ZMYM4: variants seen among roughly 807,000 people sequenced by gnomAD.
ZMYM4 encodes the protein zinc finger MYM-type protein 4.
A neutral mutation model predicts 183.2 loss-of-function variants in ZMYM4; 31 were observed. The observed-to-expected ratio is 0.17, with a 90% CI of 0.13 to 0.23. ZMYM4 has a LOEUF of 0.23. Ranked by LOEUF, ZMYM4 falls within the 10% of genes least tolerant of loss-of-function variation. The pLI is 1.00. For missense variants in ZMYM4, 1,273 were observed against 1,840.3 expected (o/e 0.69, Z 5.64); for synonymous variants, 592 against 631.2 (o/e 0.94, Z 0.93).
At chr1:35,299,777 ATTCT>A (rs539228747) in intron 1 of ZMYM4, among the ~76,000 whole-genome samples, 18 of 151,766 alleles carry the variant, frequency 1.2e-4, no homozygotes, top group East Asian at 5.8e-4. Flanking sequence ...ACCAACAGAG[ATTCT>A]TTCTTTCTTT....
In ZMYM4 at chr1:35,286,780, T is replaced by A. The variant is rs1329843534; in HGVS notation, c.39+17695T>A. ...GCCTGGCTATTTAAATAATTTTTTT[T>A]TTTTTTTTTTTTTTTTTTTTTTTTT... On this transcript the variant is annotated intron_variant, in intron 1 of 29. Transcript: ENST00000314607. Among the ~76,000 whole-genome samples the A allele has an allele frequency of 6.4e-3, 467 of 72,558 alleles. 5 individuals are homozygous for A. The highest frequency in any genetic ancestry group is 0.033 in the African/African-American group (340 of 10,344). 47.6% of individuals were successfully genotyped at this position (72,558 alleles called of 152,430 possible). A position where few individuals can be genotyped will look rare whatever the true frequency, so the allele number is the denominator to read the frequency against.
At chr1:35,409,461 T>A (rs887918687) in intron 26 of ZMYM4, among the ~76,000 whole-genome samples, 95 of 152,168 alleles carry the variant, frequency 6.2e-4, no homozygotes, top group South Asian at 1.0e-3. Flanking sequence ...TTTTTTTTTT[T>A]AAACAACCAT....
intron 1 of ZMYM4, among the ~76,000 whole-genome samples, chr1:35,310,728 A>G (rs1641755600): frequency 1.3e-5 from 2 of 151,952 alleles, no homozygotes; most frequent in Non-Finnish European, 2.9e-5. Context: ...ACAGGCATGC[A>G]CCATCACACG....
rs1479761773 is a variant in ZMYM4 at position 35,394,358 on chromosome 1, T to C, written c.2911+619T>C. Among the ~76,000 whole-genome samples, 20 of 151,798 alleles carry C rather than the reference T, an allele frequency of 1.3e-4. No homozygotes were observed. The South Asian group carries it at 3.1e-3, about 24-fold the overall frequency. On this transcript the variant is annotated intron_variant, in intron 18 of 29. Transcript: ENST00000314607. The stretch of plus-strand genomic sequence containing the variant: ...GGATCCCAGTGTTCTTGGCCTGCTT[T>C]TCCTAGGGTAGAGCCTCCATCCAGT...
At position 35,387,181 on chromosome 1, in the gene ZMYM4, A is replaced by G. The variant is rs1190099191; in HGVS notation, c.2015A>G (p.Gln672Arg). The G allele has an allele frequency of 5.0e-6, 8 of 1,614,162 alleles. No homozygotes were observed. The highest frequency in any genetic ancestry group is 1.3e-5 in the African/African-American group (1 of 74,954). The change falls in exon 12 of 30, where the codon CAG (glutamine) becomes CGG (arginine). Residue 672 changes from glutamine (Q) to arginine (R), a missense_variant. Gln to Arg is a conservative substitution (Grantham distance 43, BLOSUM62 1). Around this residue, in one of 6 missense-constraint regions of ZMYM4, gnomAD observed 319 missense variants for 518.1 expected, o/e 0.62. Coordinates refer to ENST00000314607, the MANE Select transcript of ZMYM4 (RefSeq NM_005095.3). ...AAAGLQRLAA[Q>R]SQHVGFARSV... ...GCTGGTCTCCAGCGTCTCGCTGCCC[A>G]GTCCCAGCATGTTGGGTTTGCACGA...
In ZMYM4 at chr1:35,289,032, A is replaced by G. The variant is rs115047887; in HGVS notation, c.39+19947A>G. Among the ~76,000 whole-genome samples, 359 of 152,340 alleles carry G rather than the reference A, an allele frequency of 2.4e-3. 1 individual carries two copies. Among genetic ancestry groups the G allele is most frequent in the African/African-American group, 8.5e-3 (352 of 41,582 alleles). ...AGTGCTGGACAAAGAATAATAAGGA[A>G]GTTAAGCTTTGTGCTAGTGGTGGGG... is the stretch of plus-strand genomic sequence containing the variant. On this transcript the variant is annotated intron_variant, in intron 1 of 29. Coordinates refer to ENST00000314607, the MANE Select transcript of ZMYM4 (RefSeq NM_005095.3).
At chr1:35,375,950 C>T (rs1407856223) in intron 7 of ZMYM4, among the ~76,000 whole-genome samples, 1 of 151,996 alleles carries the variant, frequency 6.6e-6, no homozygotes, top group Non-Finnish European at 1.5e-5. Context: ...GTGCCACATG[C>T]CTGTAATCCC....
At chr1:35,269,175 G>A (rs1639464222) in intron 1 of ZMYM4, 90 bp downstream of exon 1, 3 of 1,479,304 alleles carry the variant, frequency 2.0e-6, no homozygotes, top group Admixed American at 2.1e-5. Flanking sequence ...TGGAGGGGTC[G>A]CCGAGGCCCA....
intron 2 of ZMYM4, among the ~76,000 whole-genome samples, chr1:35,337,758 G>C (rs764507931): frequency 2.6e-5 from 4 of 151,934 alleles, no homozygotes; most frequent in Non-Finnish European, 1.5e-5. Context: ...GGCTAACATG[G>C]CGAAACCCCA....
At chr1:35,293,018 T>TG (rs1640835983) in intron 1 of ZMYM4, among the ~76,000 whole-genome samples, 2 of 151,512 alleles carry the variant, frequency 1.3e-5, no homozygotes, top group African/African-American at 2.4e-5. Flanking sequence ...TTTTTTTTTT[T>TG]GAGACAGGTT....
Position 35,419,987 on chromosome 1 carries a change from G to A in ZMYM4, c.*310G>A. 1 of 358,562 alleles carries A rather than the reference G, an allele frequency of 2.8e-6. No individual in the cohort carries two copies. The highest frequency in any genetic ancestry group is 5.4e-6 in the Non-Finnish European group (1 of 185,688). 22.2% of individuals were successfully genotyped at this position (358,562 alleles called of 1,614,324 possible). ...TCGTGGAATATTTTTAAGGAAAACT[G>A]TTGTATAAAACTTTACCATAGTAAC... On this transcript the variant is annotated 3_prime_UTR_variant, in exon 30 of 30. Coordinates refer to ENST00000314607, the MANE Select transcript of ZMYM4 (RefSeq NM_005095.3).
chr1:35,283,458 C>T (rs1171127762), intron 1 of ZMYM4, among the ~76,000 whole-genome samples: 1 of 150,874 alleles, frequency 6.6e-6, no homozygotes, highest in East Asian at 1.9e-4. Flanking sequence ...CTGCCTCAGC[C>T]TCCCGAATAC....
intron 17 of ZMYM4, 107 bp downstream of exon 17, chr1:35,392,791 A>G (rs1644734761): frequency 1.4e-6 from 1 of 737,200 alleles, no homozygotes; most frequent in Non-Finnish European, 2.1e-6. Context: ...TATATGAAAT[A>G]GATTTCATTA....
At position 35,408,130 on chromosome 1, in the gene ZMYM4, A is replaced by G. The variant is rs1342391470; in HGVS notation, c.3919A>G (p.Ile1307Val). ...PNGEKYDPDS[I>V]LYLCLGIQQY... ...TGGTGAAAAATATGATCCAGACAGT[A>G]TCTTATACTTGTGCCTTGGAATTCA... is the stretch of plus-strand genomic sequence containing the variant. The change falls in exon 26 of 30, where the codon ATC becomes GTC. Residue 1307 changes from isoleucine to valine, a missense_variant. By Grantham distance (29) the Ile-to-Val change is conservative (BLOSUM62 3). This residue lies in a region of ZMYM4 where 145 missense variants were observed against 331.6 expected (regional missense o/e 0.44). Coordinates refer to ENST00000314607, the MANE Select transcript of ZMYM4 (RefSeq NM_005095.3). 2 of 1,614,108 alleles carry G rather than the reference A, an allele frequency of 1.2e-6. No homozygotes were observed. The highest frequency in any genetic ancestry group is 1.7e-6 in the Non-Finnish European group (2 of 1,180,040).
chr1:35,281,661 AAT>A (rs56216613), intron 1 of ZMYM4, among the ~76,000 whole-genome samples: 130,971 of 147,954 alleles, frequency 0.89, 58,886 homozygotes, highest in Non-Finnish European at 0.98. Flanking sequence ...TCATATAATA[AAT>A]ATATATATAT....
At chr1:35,281,648 A>G (rs1296122401) in intron 1 of ZMYM4, among the ~76,000 whole-genome samples, 2 of 100,284 alleles carry the variant, frequency 2.0e-5, no homozygotes, top group African/African-American at 3.7e-5. Flanking sequence ...CTCAAAAAGC[A>G]AATCATATAA....
intron 1 of ZMYM4, among the ~76,000 whole-genome samples, chr1:35,316,572 ATTAT>A (rs1642054564): frequency 6.6e-6 from 1 of 152,222 alleles, no homozygotes; most frequent in South Asian, 2.1e-4. Context: ...CTCTGCATCT[ATTAT>A]TTAGTTCATA....
At chr1:35,375,658 A>G (rs558197275) in intron 7 of ZMYM4, among the ~76,000 whole-genome samples, 3 of 152,292 alleles carry the variant, frequency 2.0e-5, no homozygotes, top group Non-Finnish European at 4.4e-5. Flanking sequence ...AATAAATTTC[A>G]TTTTTCTTAA....
intron 1 of ZMYM4, among the ~76,000 whole-genome samples, chr1:35,281,302 C>T (rs1303174233): frequency 6.6e-6 from 1 of 151,146 alleles, no homozygotes; most frequent in Non-Finnish European, 1.5e-5. Flanking sequence ...AAAAAAATTA[C>T]CTTAAGTTTA....
Sources: allele counts gnomAD v4.1 joint callset (sites outside exome capture counted in the v4.1 genomes callset), GRCh38; gene constraint gnomAD v4.1.1; regional missense constraint gnomAD v4.1.1; transcripts MANE v1.5; gene names NCBI Gene and HGNC (gene_info 2026-07-23, HGNC 2026-07-21).